The following PASD1 variants were observed in gnomAD, a reference collection of about 807,000 sequenced individuals.
The protein encoded by PASD1 is PAS domain containing repressor 1, also known as circadian clock protein PASD1.
PASD1 carries 13 observed loss-of-function variants against 58.8 expected under a neutral mutation model. The ratio of observed to expected loss-of-function variants is 0.22; its 90% CI spans 0.14 to 0.35. The LOEUF (loss-of-function observed/expected upper bound fraction) is 0.35, where lower values mean the gene tolerates loss of function less well. Among genes scored for constraint, PASD1 ranks in the 10% least tolerant of loss-of-function variants. The probability of loss-of-function intolerance (pLI) is 1.00; values close to 1 mark genes in which losing one functional copy is unlikely to be tolerated. For synonymous variants in PASD1, 236 were observed against 216.7 expected, an observed-to-expected ratio of 1.09 and a Z score of -0.78; for missense variants, 734 against 568.3, an observed-to-expected ratio of 1.29 and a Z score of -2.96.
chrX:151,675,019 TG>T (rs2124323031), intron 15 of PASD1, among the ~76,000 whole-genome samples: 1 of 111,418 alleles, frequency 9.0e-6, no homozygotes, highest in African/African-American at 3.3e-5. Flanking sequence ...GAGATCAGAG[TG>T]GGCAATAGGT....
intron 1 of PASD1, among the ~76,000 whole-genome samples, chrX:151,596,487 G>A (rs1163974803): frequency 2.7e-5 from 3 of 112,294 alleles, no homozygotes; most frequent in African/African-American, 9.7e-5. Flanking sequence ...TTCCAGCATT[G>A]CCTCTTTTTA....
At chrX:151,600,038 A>G (rs1029670940) in intron 1 of PASD1, among the ~76,000 whole-genome samples, 1 of 112,405 alleles carries the variant, frequency 8.9e-6, no homozygotes, top group Non-Finnish European at 1.9e-5. Context: ...CGAGGCTGGC[A>G]GATCACTCGC....
At position 151,625,455 on chromosome X, in the gene PASD1, A is replaced by G; in HGVS notation, c.554A>G (p.Tyr185Cys). 1.7e-6 allele frequency: 2 copies of G among 1,203,832 alleles called. No homozygotes were observed. The highest frequency in any genetic ancestry group is 2.2e-6 in the Non-Finnish European group (2 of 891,625). The change falls in exon 8 of 16, where the codon TAC becomes TGC. Residue 185 changes from tyrosine to cysteine, a missense_variant. By Grantham distance (194) the Tyr-to-Cys change is radical. Coordinates refer to ENST00000370357, the MANE Select transcript of PASD1 (RefSeq NM_173493.3). The part of the protein sequence containing the change: ...ILRTQLLQQL[Y>C]TSKAVSDEAV... The stretch of plus-strand genomic sequence containing the variant: ...ATTTGAATTTTTCTGCAGCAACTTT[A>G]CACTTCAAAGGCAGTCAGTGATGAA...
intron 11 of PASD1, 59 bp from the exon 12 acceptor site, chrX:151,670,979 G>C (rs2014459326): frequency 8.9e-7 from 1 of 1,117,664 alleles, no homozygotes; most frequent in Non-Finnish European, 1.2e-6. Flanking sequence ...AAACAGGATG[G>C]TAAGACTTGG....
chrX:151,657,566 C>T (rs1214544438), intron 9 of PASD1, among the ~76,000 whole-genome samples: 1 of 111,673 alleles, frequency 9.0e-6, no homozygotes, highest in Non-Finnish European at 1.9e-5. Flanking sequence ...AGGGATTCAG[C>T]TTCTTCCTGG....
intron 3 of PASD1, among the ~76,000 whole-genome samples, chrX:151,608,824 A>G (rs1012849482): frequency 9.0e-6 from 1 of 111,255 alleles, no homozygotes; most frequent in African/African-American, 3.3e-5. Flanking sequence ...TGTTTTTAAG[A>G]CTTGCTTTCA....
intron 11 of PASD1, among the ~76,000 whole-genome samples, chrX:151,668,334 C>T (rs1419804365): frequency 2.7e-5 from 3 of 111,371 alleles, no homozygotes; most frequent in Non-Finnish European, 5.6e-5. Flanking sequence ...GTTGAACCAG[C>T]CTTGCATCCC....
chrX:151,666,328 C>CT (rs2014380453), intron 11 of PASD1, among the ~76,000 whole-genome samples: 1 of 110,316 alleles, frequency 9.1e-6, no homozygotes, highest in African/African-American at 3.3e-5. Flanking sequence ...AATCTCATCT[C>CT]TTTTCTGTCC....
At chrX:151,603,486 A>G (rs145526954) in intron 2 of PASD1, among the ~76,000 whole-genome samples, 1,188 of 111,924 alleles carry the variant, frequency 0.011, 9 homozygotes, top group Middle Eastern at 0.041. Context: ...ATTTCTTTGA[A>G]TGAAGTCTAG....
chrX:151,582,423 A>G (rs1414593855), intron 1 of PASD1, among the ~76,000 whole-genome samples: 1 of 111,414 alleles, frequency 9.0e-6, no homozygotes, highest in East Asian at 2.8e-4. Flanking sequence ...CTGGGACTAC[A>G]GACCTGTACC....
intron 1 of PASD1, among the ~76,000 whole-genome samples, chrX:151,590,626 G>T (rs2013232543): frequency 9.0e-6 from 1 of 111,247 alleles, no homozygotes; most frequent in South Asian, 3.9e-4. Context: ...TGTCGCCCAG[G>T]CTGGAGTGCA....
At chrX:151,599,432 G>A (rs998581291) in intron 1 of PASD1, among the ~76,000 whole-genome samples, 3 of 109,907 alleles carry the variant, frequency 2.7e-5, no homozygotes, top group Non-Finnish European at 3.8e-5. Context: ...CGGACGGGGC[G>A]GCTGGCCGGG....
At chrX:151,654,350 T>C (rs2014210031) in intron 9 of PASD1, among the ~76,000 whole-genome samples, 1 of 110,644 alleles carries the variant, frequency 9.0e-6, no homozygotes, top group African/African-American at 3.3e-5. Flanking sequence ...CCCTTAGACA[T>C]CCAACTGGAG....
intron 1 of PASD1, among the ~76,000 whole-genome samples, chrX:151,573,621 A>G (rs1958633871): frequency 8.9e-6 from 1 of 112,621 alleles, no homozygotes; most frequent in South Asian, 3.7e-4. Flanking sequence ...GAAAAGGCTT[A>G]TTGGAGAAGA....
rs759724240 is a variant in PASD1, at chrX:151,628,840, G to A, written c.629+3310G>A. On this transcript the variant is annotated intron_variant, in intron 8 of 15. Coordinates refer to ENST00000370357, the MANE Select transcript of PASD1 (RefSeq NM_173493.3). ...ACCCATGAGCATGGAATGTTCTTCT[G>A]TTTGTTTGTATCCTCTTTTATTTCA... Among the ~76,000 whole-genome samples the A allele has an allele frequency of 4.0e-3, 450 of 111,421 alleles. 2 individuals carry two copies. The highest frequency in any genetic ancestry group is 5.3e-3 in the Non-Finnish European group (283 of 53,061).
chrX:151,581,194 C>T (rs6627413), intron 1 of PASD1, among the ~76,000 whole-genome samples: 38,015 of 89,085 alleles, frequency 0.43, 8,738 homozygotes, highest in East Asian at 0.93. Flanking sequence ...CACCACTGCA[C>T]TCCAGCCTAG....
rs2014545803 is a variant in PASD1, at chrX:151,676,318, G to GT, written c.*178dup. The stretch of plus-strand genomic sequence containing the variant: ...TGTAATTGTTTGTTAAGCACAGCCT[G>GT]TTTCTTGGAAGTTATGCTGTAGAGG... On this transcript the variant is annotated 3_prime_UTR_variant, in exon 16 of 16. Transcript: ENST00000370357. 2.1e-6 allele frequency: 1 copy of GT among 484,098 alleles called. No individual in the cohort carries two copies. The highest frequency in any genetic ancestry group is 3.2e-6 in the Non-Finnish European group (1 of 313,457). 39.9% of individuals were successfully genotyped at this position (484,098 alleles called of 1,213,427 possible). A position where few individuals can be genotyped will look rare whatever the true frequency, so the allele number is the denominator to read the frequency against.
At chrX:151,670,928 G>C in intron 11 of PASD1, 110 bp from the exon 12 acceptor site, 7 of 860,915 alleles carry the variant, frequency 8.1e-6, no homozygotes, top group Non-Finnish European at 9.7e-6. Flanking sequence ...GGATTTGAGA[G>C]CTACCATTTG....
intron 1 of PASD1, among the ~76,000 whole-genome samples, chrX:151,573,252 TCGGGGATTA>T (rs2012953390): frequency 2.7e-5 from 3 of 110,248 alleles, no homozygotes; most frequent in African/African-American, 9.9e-5. Context: ...ACCCCCAACC[TCGGGGATTA>T]CAATTCAACA....
Sources: allele counts gnomAD v4.1 joint callset (sites outside exome capture counted in the v4.1 genomes callset), GRCh38; gene constraint gnomAD v4.1.1; transcripts MANE v1.5; gene names NCBI Gene and HGNC (gene_info 2026-07-23, HGNC 2026-07-21).